Variants in MTUS1 observed in about 807,000 individuals in gnomAD.
The protein encoded by MTUS1 is microtubule-associated tumor suppressor 1.
MTUS1 carries 109 observed loss-of-function variants against 120.8 expected under a neutral mutation model. The ratio of observed to expected loss-of-function variants is 0.90; its 90% CI spans 0.77 to 1.06. MTUS1 has a LOEUF of 1.06. Ranked by LOEUF, MTUS1 falls within the 50% of genes least tolerant of loss-of-function variation. The pLI, the probability that MTUS1 is intolerant of heterozygous loss-of-function variation, is 0.00. For synonymous variants in MTUS1, 737 were observed against 550.5 expected, an observed-to-expected ratio of 1.34 and a Z score of -4.74; for missense variants, 2,210 against 1,486.3, an observed-to-expected ratio of 1.49 and a Z score of -8.01.
At chr8:17,717,085 T>A (rs1822483098) in intron 4 of MTUS1, among the ~76,000 whole-genome samples, 1 of 152,182 alleles carries the variant, frequency 6.6e-6, no homozygotes, top group Non-Finnish European at 1.5e-5. Flanking sequence ...CTTATACACA[T>A]CACATTCAAA....
At chr8:17,692,367 T>G (rs887814534) in intron 6 of MTUS1, 2 of 152,054 alleles carry the variant, frequency 1.3e-5, no homozygotes, top group African/African-American at 4.8e-5. Context: ...TGTGAGATCA[T>G]GAGGCAACAA....
chr8:17,771,834 A>C (rs918369602), intron 1 of MTUS1, among the ~76,000 whole-genome samples: 1 of 152,222 alleles, frequency 6.6e-6, no homozygotes, highest in Non-Finnish European at 1.5e-5. Flanking sequence ...CATTTAACCC[A>C]ATCTACTAGT....
intron 12 of MTUS1, among the ~76,000 whole-genome samples, chr8:17,652,527 GGGTT>G (rs1168979469): frequency 1.2e-4 from 19 of 152,018 alleles, no homozygotes; most frequent in African/African-American, 4.4e-4. Flanking sequence ...AATGGGTCCA[GGGTT>G]CCTTTTGGGG....
intron 1 of MTUS1, among the ~76,000 whole-genome samples, chr8:17,761,477 A>G (rs577254356): frequency 8.8e-4 from 134 of 152,302 alleles, no homozygotes; most frequent in African/African-American, 3.1e-3. Flanking sequence ...TGACGTGACC[A>G]AATCAGTTGT....
chr8:17,743,350 T>C (rs2047482321), intron 3 of MTUS1, among the ~76,000 whole-genome samples: 1 of 152,168 alleles, frequency 6.6e-6, no homozygotes, highest in African/African-American at 2.4e-5. Context: ...CACCCAATTG[T>C]ATATTTATGT....
chr8:17,772,120 A>C (rs930548919), intron 1 of MTUS1, among the ~76,000 whole-genome samples: 3 of 152,222 alleles, frequency 2.0e-5, no homozygotes, highest in African/African-American at 7.2e-5. Flanking sequence ...TCATAAATGT[A>C]TGAAAGAAAG....
At chr8:17,752,807 C>T (rs2048300993) in intron 2 of MTUS1, among the ~76,000 whole-genome samples, 1 of 152,168 alleles carries the variant, frequency 6.6e-6, no homozygotes, top group South Asian at 2.1e-4. Flanking sequence ...CACCCAAGGA[C>T]AGCCTGTCTG....
chr8:17,652,193 G>A (rs543591168), intron 12 of MTUS1, among the ~76,000 whole-genome samples: 2 of 152,172 alleles, frequency 1.3e-5, no homozygotes, highest in Non-Finnish European at 2.9e-5. Context: ...AAAAGACAAA[G>A]GTTGGGGTAA....
At position 17,646,991 on chromosome 8, in the gene MTUS1, G is replaced by T. The variant is rs1215995243; in HGVS notation, c.3590C>A (p.Ala1197Glu). 6.2e-7 allele frequency: 1 copy of T among 1,612,724 alleles called. No homozygotes were observed. Among genetic ancestry groups the T allele is most frequent in the Non-Finnish European group, 8.5e-7 (1 of 1,178,998 alleles). Residue 1197 changes from alanine to glutamate, a missense_variant, in exon 14 of 15, where the codon GCA (alanine) becomes GAA (glutamate). Transcript: ENST00000693296. ...ACTGTTTTATTTTTACCTTGAGATT[G>T]CCATGTGCTTGTCCATCCGAGCTTT... ...ELKARMDKHMAISRQLSTEQA... is the reference protein window; with the variant it reads ...ELKARMDKHMEISRQLSTEQA...
chr8:17,743,779 C>G lies in MTUS1; in HGVS notation c.2112G>C (p.Thr704=), dbSNP rs1203642197. The G allele has an allele frequency of 1.2e-6, 2 of 1,613,746 alleles. No homozygotes were observed. Among genetic ancestry groups the G allele is most frequent in the Admixed American group, 1.7e-5 (1 of 59,982 alleles). The change falls in exon 3 of 15, where the codon ACG becomes ACC. Residue 704 remains threonine (T), a synonymous_variant. Coordinates refer to ENST00000693296, the MANE Select transcript of MTUS1 (RefSeq NM_001363059.2). ...TGGATATATTCCTACCTGAGGTGGT[C>G]GTTGTTTTTGAAGCAGAGCCCTGTG... The part of the protein sequence containing the change: ...SLFLGSASKT[T]TTSGRNISKP...
At chr8:17,740,265 A>G (rs1217963614) in intron 3 of MTUS1, among the ~76,000 whole-genome samples, 1 of 152,214 alleles carries the variant, frequency 6.6e-6, no homozygotes, top group African/African-American at 2.4e-5. Context: ...TTTAATTACA[A>G]TTCCTTCTCA....
rs747746433 is a variant in MTUS1, at chr8:17,675,251, C to T, written c.2840G>A (p.Arg947Gln). Residue 947 changes from arginine (R) to glutamine (Q), a missense_variant and splice_region_variant, in exon 8 of 15, where the codon CGG becomes CAG. Coordinates refer to ENST00000693296, the MANE Select transcript of MTUS1 (RefSeq NM_001363059.2). ...TTTGTGTTGTTTCAGTGCTTCCTCCCGCTGCGGAAAACACACATCAAGTTA... is the reference window on the plus strand; with the variant it reads ...TTTGTGTTGTTTCAGTGCTTCCTCCTGCTGCGGAAAACACACATCAAGTTA... ...TVVIQHLLSEREEALKQHKTL... is the reference protein window; with the variant it reads ...TVVIQHLLSEQEEALKQHKTL... 2.2e-5 allele frequency: 36 copies of T among 1,613,902 alleles called. No homozygotes were observed. Among genetic ancestry groups the T allele is most frequent in the African/African-American group, 2.1e-4 (16 of 74,918 alleles).
At chr8:17,749,512 T>G (rs1483392270) in intron 2 of MTUS1, among the ~76,000 whole-genome samples, 3 of 151,644 alleles carry the variant, frequency 2.0e-5, no homozygotes, top group African/African-American at 7.3e-5. Flanking sequence ...TACAAAAAAA[T>G]TAGCTGGGTG....
At chr8:17,773,033 C>A (rs2050132167) in intron 1 of MTUS1, among the ~76,000 whole-genome samples, 1 of 152,162 alleles carries the variant, frequency 6.6e-6, no homozygotes, top group Non-Finnish European at 1.5e-5. Context: ...AATATACACA[C>A]ATGCACAACT....
At chr8:17,787,678 G>A (rs1261273226) in intron 1 of MTUS1, among the ~76,000 whole-genome samples, 1 of 152,206 alleles carries the variant, frequency 6.6e-6, no homozygotes, top group Non-Finnish European at 1.5e-5. Flanking sequence ...CCATCTCATA[G>A]GGTCGTTTTA....
rs547132576 is a variant in MTUS1 at position 17,755,144 on chromosome 8, T to C, written c.664A>G (p.Thr222Ala). 12 of 1,614,130 alleles carry C rather than the reference T, an allele frequency of 7.4e-6. No homozygotes were observed. The South Asian group carries it at 9.9e-5, about 13-fold the overall frequency. ...HSDKTHARETTYDRESFENPQ... is the reference protein window; with the variant it reads ...HSDKTHARETAYDRESFENPQ... ...TTTTCAAAGCTTTCTCTATCATAAG[T>C]AGTTTCTCTTGCATGCGTCTTATCA... The change falls in exon 2 of 15, where the codon ACT (threonine) becomes GCT (alanine). Residue 222 changes from threonine (T) to alanine (A), a missense_variant. By Grantham distance (58) the Thr-to-Ala change is moderately conservative. Coordinates refer to ENST00000693296, the MANE Select transcript of MTUS1 (RefSeq NM_001363059.2).
chr8:17,739,401 G>A (rs1263693156), intron 3 of MTUS1, among the ~76,000 whole-genome samples: 2 of 151,996 alleles, frequency 1.3e-5, no homozygotes, highest in Admixed American at 6.6e-5. Context: ...GCTGAGGCAG[G>A]AGAATTGCTT....
chr8:17,657,978 T>C (rs1808801998), intron 8 of MTUS1, among the ~76,000 whole-genome samples: 1 of 151,238 alleles, frequency 6.6e-6, no homozygotes, highest in African/African-American at 2.4e-5. Context: ...TGCATATACA[T>C]ATACATATAT....
chr8:17,679,957 T>C (rs1171793508), intron 7 of MTUS1, among the ~76,000 whole-genome samples: 1 of 152,244 alleles, frequency 6.6e-6, no homozygotes, highest in African/African-American at 2.4e-5. Flanking sequence ...CACTCACATA[T>C]ATACTGTGTT....
Sources: allele counts gnomAD v4.1 joint callset (sites outside exome capture counted in the v4.1 genomes callset), GRCh38; gene constraint gnomAD v4.1.1; transcripts MANE v1.5; gene names NCBI Gene and HGNC (gene_info 2026-07-23, HGNC 2026-07-21).